Variants in RNGTT observed in about 807,000 individuals in gnomAD.
RNGTT encodes the protein mRNA-capping enzyme.
A neutral mutation model predicts 79.3 loss-of-function variants in RNGTT; 33 were observed. That is an observed-to-expected ratio of 0.42 (90% CI 0.32 to 0.56). The LOEUF is 0.56. Ranked by LOEUF, RNGTT falls within the 20% of genes least tolerant of loss-of-function variation. RNGTT has a pLI of 0.17. For missense variants in RNGTT, 497 were observed against 739.1 expected, an observed-to-expected ratio of 0.67 and a Z score of 3.80; for synonymous variants, 222 against 235.9, an observed-to-expected ratio of 0.94 and a Z score of 0.54.
At position 88,951,958 on chromosome 6, in the gene RNGTT, T is replaced by G. The variant is rs568601629; in HGVS notation, c.65-10778A>C. Among the ~76,000 whole-genome samples the G allele has an allele frequency of 9.3e-4, 141 of 152,210 alleles. 2 individuals carry two copies. Among genetic ancestry groups the G allele is most frequent in the African/African-American group, 3.3e-3 (136 of 41,514 alleles). On this transcript the variant is annotated intron_variant, in intron 1 of 15. Transcript: ENST00000369485. ...GAATGAACGGGAACTGCTGCAGATA[T>G]GAGCACAAAAGCTGCCCAGTGGGCA...
At chr6:88,804,026 A>G (rs1335923656) in intron 11 of RNGTT, among the ~76,000 whole-genome samples, 1 of 152,206 alleles carries the variant, frequency 6.6e-6, no homozygotes, top group African/African-American at 2.4e-5. Flanking sequence ...TATTTATGAT[A>G]TCACCTATCA....
At chr6:88,688,450 T>C (rs370636211) in intron 13 of RNGTT, among the ~76,000 whole-genome samples, 1 of 152,172 alleles carries the variant, frequency 6.6e-6, no homozygotes, top group African/African-American at 2.4e-5. Flanking sequence ...CCAGAAGCAA[T>C]GACCACACCT....
At chr6:88,893,485 T>C (rs1381811669) in intron 6 of RNGTT, among the ~76,000 whole-genome samples, 8 of 152,102 alleles carry the variant, frequency 5.3e-5, no homozygotes, top group Non-Finnish European at 2.9e-5. Flanking sequence ...TTTTAACATA[T>C]AATAAAAAGG....
At chr6:88,662,367 C>G (rs1055029049) in intron 14 of RNGTT, among the ~76,000 whole-genome samples, 1 of 152,214 alleles carries the variant, frequency 6.6e-6, no homozygotes, top group African/African-American at 2.4e-5. Context: ...TAGCCCCCAT[C>G]ACTGATGCAT....
At chr6:88,801,368 AT>A (rs1226792722) in intron 12 of RNGTT, among the ~76,000 whole-genome samples, 195 bp downstream of exon 12, 28 of 152,354 alleles carry the variant, frequency 1.8e-4, no homozygotes, top group African/African-American at 6.5e-4. Flanking sequence ...TCATTTTAGT[AT>A]TACATGTATT....
At chr6:88,876,719 G>GA (rs546865803) in intron 8 of RNGTT, among the ~76,000 whole-genome samples, 3 of 152,248 alleles carry the variant, frequency 2.0e-5, no homozygotes, top group Non-Finnish European at 4.4e-5. Flanking sequence ...CTATATAGGG[G>GA]AAAAAATGTT....
intron 11 of RNGTT, among the ~76,000 whole-genome samples, chr6:88,837,416 A>C (rs540872060): frequency 1.4e-4 from 21 of 152,248 alleles, no homozygotes; most frequent in African/African-American, 2.6e-4. Context: ...ACAACAACAA[A>C]AAAAAGCTCT....
At chr6:88,614,443 T>A (rs1772146843) in intron 14 of RNGTT, 48 bp from the exon 15 acceptor site, 1 of 1,587,024 alleles carries the variant, frequency 6.3e-7, no homozygotes, top group Non-Finnish European at 8.6e-7. Context: ...CTTGAAAGGC[T>A]TTTTGCTTCT....
chr6:88,740,857 C>T (rs189869385), intron 13 of RNGTT, among the ~76,000 whole-genome samples: 1 of 152,092 alleles, frequency 6.6e-6, no homozygotes, highest in African/African-American at 2.4e-5. Flanking sequence ...CAAACCTGCA[C>T]GTTCTGCACA....
chr6:88,689,108 A>G (rs1447500213), intron 13 of RNGTT, among the ~76,000 whole-genome samples: 1 of 152,122 alleles, frequency 6.6e-6, no homozygotes, highest in Non-Finnish European at 1.5e-5. Context: ...CAAGGGAGTC[A>G]GTGCCCTTGC....
At chr6:88,660,597 T>C (rs1188432283) in intron 14 of RNGTT, among the ~76,000 whole-genome samples, 1 of 150,826 alleles carries the variant, frequency 6.6e-6, no homozygotes, top group Non-Finnish European at 1.5e-5. Flanking sequence ...ATAAAAGGAT[T>C]AGTCTCCAAC....
At chr6:88,818,002 G>T (rs144096924) in intron 11 of RNGTT, among the ~76,000 whole-genome samples, 4 of 151,270 alleles carry the variant, frequency 2.6e-5, no homozygotes, top group Non-Finnish European at 5.9e-5. Context: ...CTCGTGATCC[G>T]CCCGTCTCGG....
chr6:88,752,945 C>A (rs1046188338), intron 13 of RNGTT, among the ~76,000 whole-genome samples: 7 of 151,940 alleles, frequency 4.6e-5, no homozygotes, highest in African/African-American at 1.7e-4. Flanking sequence ...GATGATCCTA[C>A]AGATATTATC....
At chr6:88,659,807 C>T (rs374947906) in intron 14 of RNGTT, among the ~76,000 whole-genome samples, 3 of 152,174 alleles carry the variant, frequency 2.0e-5, no homozygotes, top group Admixed American at 6.5e-5. Context: ...AAAGAACACC[C>T]GGGAAGTTCA....
chr6:88,953,840 C>G (rs992501799), intron 1 of RNGTT, among the ~76,000 whole-genome samples: 3 of 152,124 alleles, frequency 2.0e-5, no homozygotes, highest in Non-Finnish European at 4.4e-5. Context: ...AACAAAATAA[C>G]TGTCAGCCAA....
chr6:88,957,986 G>A (rs190126882), intron 1 of RNGTT, among the ~76,000 whole-genome samples: 8 of 152,210 alleles, frequency 5.3e-5, no homozygotes, highest in Non-Finnish European at 8.8e-5. Flanking sequence ...TATACTACAA[G>A]ACTATAGTAA....
chr6:88,731,417 A>AC (rs903960162), intron 13 of RNGTT, among the ~76,000 whole-genome samples: 2 of 152,210 alleles, frequency 1.3e-5, no homozygotes, highest in Non-Finnish European at 2.9e-5. Context: ...GACAAAGCAA[A>AC]CACCTGAACC....
At chr6:88,652,969 G>T (rs1366700647) in intron 14 of RNGTT, among the ~76,000 whole-genome samples, 1 of 152,152 alleles carries the variant, frequency 6.6e-6, no homozygotes, top group African/African-American at 2.4e-5. Flanking sequence ...TAAGTAAAAT[G>T]CATAACTTCT....
At chr6:88,771,494 T>G (rs1225510523) in intron 12 of RNGTT, among the ~76,000 whole-genome samples, 3 of 151,792 alleles carry the variant, frequency 2.0e-5, no homozygotes, top group Non-Finnish European at 4.4e-5. Flanking sequence ...CAGACTTTTA[T>G]TCTCCTTTTT....
Sources: gnomAD v4.1 joint callset for allele counts (sites outside exome capture counted in the v4.1 genomes callset) on GRCh38, gnomAD v4.1.1 for gene constraint, MANE v1.5 for transcripts, NCBI Gene and HGNC (gene_info 2026-07-23, HGNC 2026-07-21) for gene names.